Variants in EYS observed in about 807,000 individuals in gnomAD.
The protein encoded by EYS is protein eyes shut homolog.
Under a neutral mutation model 282.1 loss-of-function variants are expected in EYS, and 250 were observed. The observed-to-expected ratio is 0.89, with a 90% CI of 0.80 to 0.98. EYS has a LOEUF of 0.98. EYS is among the 50% of genes least tolerant of loss of function. The pLI, the probability that EYS is intolerant of heterozygous loss-of-function variation, is 0.00. For synonymous variants in EYS, 1,355 were observed against 1,282.9 expected, an observed-to-expected ratio of 1.06 and a Z score of -1.20; for missense variants, 4,016 against 3,709.0, an observed-to-expected ratio of 1.08 and a Z score of -2.15.
chr6:64,437,242 G>A (rs1219183277), intron 27 of EYS, among the ~76,000 whole-genome samples: 4 of 151,546 alleles, frequency 2.6e-5, no homozygotes, highest in South Asian at 2.1e-4. Context: ...ATGAAATAAT[G>A]TATTATTAAG....
intron 12 of EYS, among the ~76,000 whole-genome samples, chr6:65,090,773 A>G (rs1774535107): frequency 6.6e-6 from 1 of 151,474 alleles, no homozygotes; most frequent in East Asian, 1.9e-4. Context: ...TCAAAGTAAT[A>G]GACAAAGTAA....
intron 2 of EYS, among the ~76,000 whole-genome samples, chr6:65,563,531 A>G (rs988471664): frequency 6.6e-6 from 1 of 152,148 alleles, no homozygotes; most frequent in African/African-American, 2.4e-5. Context: ...TCGGAAATAT[A>G]TAACAAAATT....
At chr6:65,470,023 T>G (rs1035596274) in intron 5 of EYS, among the ~76,000 whole-genome samples, 4 of 152,176 alleles carry the variant, frequency 2.6e-5, no homozygotes, top group African/African-American at 9.7e-5. Context: ...TAATACTTTC[T>G]CAGGAAAAGG....
At chr6:65,384,723 T>G (rs1765735690) in intron 7 of EYS, among the ~76,000 whole-genome samples, 1 of 151,910 alleles carries the variant, frequency 6.6e-6, no homozygotes, top group Non-Finnish European at 1.5e-5. Context: ...TGATCTCTTT[T>G]GGGAATTTAA....
chr6:63,881,387 G>T (rs2149719011), intron 35 of EYS, among the ~76,000 whole-genome samples: 1 of 152,300 alleles, frequency 6.6e-6, no homozygotes, highest in South Asian at 2.1e-4. Context: ...AGAGGTTATG[G>T]CATGGAGCAG....
At position 65,654,021 on chromosome 6, in the gene EYS, A is replaced by AG. The variant is rs552664269; in HGVS notation, c.-447-14130_-447-14129insC. On this transcript the variant is annotated intron_variant, in intron 1 of 42. Transcript: ENST00000503581. ...ACAGTCCTTCATACTGAAGAAAAGTAAGTTTCATTGATATAAAAAGTTATA... is the reference window on the plus strand; with the variant it reads ...ACAGTCCTTCATACTGAAGAAAAGTAGAGTTTCATTGATATAAAAAGTTATA... Among the ~76,000 whole-genome samples the AG allele has an allele frequency of 2.8e-3, 430 of 152,070 alleles. 2 individuals carry two copies. Among genetic ancestry groups the AG allele is most frequent in the Non-Finnish European group, 5.0e-3 (340 of 67,874 alleles).
At chr6:64,417,325 A>C (rs1364071924) in intron 28 of EYS, among the ~76,000 whole-genome samples, 1 of 152,164 alleles carries the variant, frequency 6.6e-6, no homozygotes, top group Admixed American at 6.6e-5. Flanking sequence ...TAAGGTTCTG[A>C]GTTCTTTGGT....
intron 7 of EYS, among the ~76,000 whole-genome samples, chr6:65,400,405 A>G (rs901010192): frequency 4.6e-5 from 7 of 151,974 alleles, no homozygotes; most frequent in East Asian, 1.9e-4. Flanking sequence ...CCTCCAAGAC[A>G]TCAATTATTC....
chr6:64,034,875 A>G (rs987231614), intron 33 of EYS, among the ~76,000 whole-genome samples: 1 of 152,224 alleles, frequency 6.6e-6, no homozygotes, highest in African/African-American at 2.4e-5. Context: ...CAGCAAGATG[A>G]AATTATATAT....
intron 31 of EYS, among the ~76,000 whole-genome samples, chr6:64,174,184 A>G (rs1390003686): frequency 6.6e-6 from 1 of 152,130 alleles, no homozygotes; most frequent in Non-Finnish European, 1.5e-5. Context: ...TATCTGGCCA[A>G]TAAGAGCAAA....
intron 22 of EYS, among the ~76,000 whole-genome samples, chr6:64,630,579 T>C (rs576660580): frequency 3.3e-5 from 5 of 152,300 alleles, no homozygotes; most frequent in African/African-American, 1.2e-4. Context: ...CTTGATCAAG[T>C]GTTAAAATAG....
intron 22 of EYS, among the ~76,000 whole-genome samples, chr6:64,716,383 T>G (rs1562151703): frequency 6.6e-6 from 1 of 152,228 alleles, no homozygotes; most frequent in East Asian, 1.9e-4. Flanking sequence ...CATGTGTTCA[T>G]GCACCTCCTG....
intron 36 of EYS, chr6:63,821,765 G>C (rs1771331536): frequency 6.6e-6 from 1 of 152,250 alleles, no homozygotes; most frequent in Non-Finnish European, 1.5e-5. Context: ...GCTATGAGAT[G>C]CCAGAGGTTG....
intron 35 of EYS, among the ~76,000 whole-genome samples, chr6:63,865,607 T>G (rs1772653222): frequency 6.6e-6 from 1 of 152,126 alleles, no homozygotes; most frequent in Non-Finnish European, 1.5e-5. Context: ...GAAACTAACA[T>G]ATTTTTATGT....
At chr6:64,194,699 G>T (rs891715702) in intron 31 of EYS, among the ~76,000 whole-genome samples, 1 of 152,040 alleles carries the variant, frequency 6.6e-6, no homozygotes, top group Non-Finnish European at 1.5e-5. Flanking sequence ...TAGCAACAAC[G>T]TATATTCTAT....
chr6:64,924,423 G>T (rs1768446802), intron 15 of EYS, among the ~76,000 whole-genome samples: 2 of 152,256 alleles, frequency 1.3e-5, no homozygotes, highest in Admixed American at 6.5e-5. Context: ...AAGGTCTCTG[G>T]CATGGCCTGC....
At chr6:65,587,681 C>T (rs1414316157) in intron 2 of EYS, among the ~76,000 whole-genome samples, 8 of 151,850 alleles carry the variant, frequency 5.3e-5, no homozygotes, top group Non-Finnish European at 8.8e-5. Flanking sequence ...AAATCCCTTT[C>T]TATTGGGACA....
In EYS at chr6:64,224,248, G is replaced by A. The variant is rs535179211; in HGVS notation, c.6424+6344C>T. Among the ~76,000 whole-genome samples, 213 of 152,048 alleles carry A rather than the reference G, an allele frequency of 1.4e-3. 1 individual carries two copies. Among genetic ancestry groups the A allele is most frequent in the African/African-American group, 4.9e-3 (203 of 41,518 alleles). On this transcript the variant is annotated intron_variant, in intron 31 of 42. Coordinates refer to ENST00000503581, the MANE Select transcript of EYS (RefSeq NM_001142800.2). ...TTATTAGAAAGCATTAGGGTTAAAA[G>A]AGTTTTCATCCTATTTTTTGGCCTG...
At chr6:63,859,075 GTTTTTTTTTTTTTTT>G (rs745344580) in intron 36 of EYS, among the ~76,000 whole-genome samples, 2,734 of 47,922 alleles carry the variant, frequency 0.057, 67 homozygotes, top group South Asian at 0.095. Flanking sequence ...GTCCTAGAGA[GTTTTTTTTTTTTTTT>G]TTTTTTTTTT....
Sources: gnomAD v4.1 joint callset for allele counts (sites outside exome capture counted in the v4.1 genomes callset) on GRCh38, gnomAD v4.1.1 for gene constraint, MANE v1.5 for transcripts, NCBI Gene and HGNC (gene_info 2026-07-23, HGNC 2026-07-21) for gene names.